Variants in CCNY observed in about 807,000 individuals in gnomAD.
CCNY encodes cyclin Y.
In CCNY, 19 loss-of-function variants were observed where a neutral mutation model predicts 42.8. The observed-to-expected ratio is 0.44, with a 90% CI of 0.31 to 0.65. The LOEUF (loss-of-function observed/expected upper bound fraction) is 0.65. CCNY is among the 30% of genes least tolerant of loss of function. The probability of loss-of-function intolerance (pLI) is 0.07; values close to 1 mark genes in which losing one functional copy is unlikely to be tolerated. For missense variants in CCNY, 370 were observed against 437.3 expected (o/e 0.85, Z 1.37); for synonymous variants, 165 against 162.7 (o/e 1.01, Z -0.11).
Position 35,303,756 on chromosome 10 carries a change from G to A in CCNY, c.-9+53130G>A, listed in dbSNP as rs547952335. ...CGTACCATTGCACTCCAGCCTGGGC[G>A]ACAACAGCGAAACTCCGTCTCAAAA... On this transcript the variant is annotated intron_variant, in intron 3 of 11. Transcript: ENST00000374706. Among the ~76,000 whole-genome samples the A allele has an allele frequency of 7.6e-3, 861 of 114,016 alleles. 8 individuals are homozygous for A. The highest frequency in any genetic ancestry group is 0.028 in the African/African-American group (812 of 28,886). The allele number at this position is 114,016 out of a possible 152,430, so 74.8% of individuals were successfully genotyped here.
intron 3 of CCNY, among the ~76,000 whole-genome samples, chr10:35,506,912 G>A (rs1840226703): frequency 6.6e-6 from 1 of 152,198 alleles, no homozygotes; most frequent in Admixed American, 6.5e-5. Context: ...CTCTGACACT[G>A]CTACATGTGG....
Position 35,530,187 on chromosome 10 carries a change from G to T in CCNY, c.523G>T (p.Val175Phe), listed in dbSNP as rs766039873. 4 of 1,614,210 alleles carry T rather than the reference G, an allele frequency of 2.5e-6. No individual in the cohort carries two copies. In the East Asian group the frequency reaches 6.7e-5, roughly 27 times the overall value. Residue 175 changes from valine (V) to phenylalanine (F), a missense_variant, in exon 7 of 10, where the codon GTT (valine) becomes TTT (phenylalanine). Physicochemically the swap from Val to Phe is conservative, Grantham distance 50. Transcript: ENST00000374704. This position sits in a 1 kb window ranked among gnomAD's most constrained non-coding sequence, Gnocchi z 4.3. ...NPEQKQIYRF[V>F]RTLFSAAQLT... The stretch of plus-strand genomic sequence containing the variant: ...AGAGCAGAAGCAGATTTACCGGTTC[G>T]TTCGGACACTGTTCAGTGCTGCTCA...
intron 1 of CCNY, among the ~76,000 whole-genome samples, chr10:35,360,061 G>T (rs1033853501): frequency 2.0e-5 from 3 of 152,224 alleles, no homozygotes; most frequent in East Asian, 3.9e-4. Flanking sequence ...CGATAATGCC[G>T]CTAGGCACAC....
At chr10:35,418,015 T>A (rs1275865190) in intron 1 of CCNY, among the ~76,000 whole-genome samples, 1 of 152,232 alleles carries the variant, frequency 6.6e-6, no homozygotes, top group Non-Finnish European at 1.5e-5. Flanking sequence ...GGAATATGTC[T>A]CCTTTAGGAA....
At chr10:35,250,138 G>A (rs2135019539) in intron 2 of CCNY, among the ~76,000 whole-genome samples, 1 of 149,756 alleles carries the variant, frequency 6.7e-6, no homozygotes, top group South Asian at 2.1e-4. Context: ...AGCTTGCAGT[G>A]AGCTAAGATC....
At position 35,312,176 on chromosome 10, in the gene CCNY, G is replaced by C. The variant is rs147916745; in HGVS notation, c.-9+61550G>C. On this transcript the variant is annotated intron_variant, in intron 3 of 11. Coordinates refer to the CCNY transcript ENST00000374706. ...GCGGATCACGAGGTCAGGAGATCAA[G>C]ACCGTCCTAGCTAACACGGTGAAAC... Among the ~76,000 whole-genome samples, 639 of 152,060 alleles carry C rather than the reference G, an allele frequency of 4.2e-3. 2 individuals carry two copies. The highest frequency in any genetic ancestry group is 0.014 in the African/African-American group (589 of 41,468).
chr10:35,542,181 G>GT (rs1564452198), intron 7 of CCNY, among the ~76,000 whole-genome samples: 1 of 149,246 alleles, frequency 6.7e-6, no homozygotes, highest in Admixed American at 6.7e-5. Flanking sequence ...GGCTTTCCTT[G>GT]TTTTTGATGA....
At position 35,547,694 on chromosome 10, in the gene CCNY, C is replaced by T. The variant is rs184895473; in HGVS notation, c.580-5325C>T. 2.2e-3 allele frequency among the ~76,000 whole-genome samples: 328 copies of T among 152,270 alleles called. 2 individuals carry two copies. Among genetic ancestry groups the T allele is most frequent in the African/African-American group, 7.4e-3 (307 of 41,556 alleles). On this transcript the variant is annotated intron_variant, in intron 7 of 9. Coordinates refer to ENST00000374704, the MANE Select transcript of CCNY (RefSeq NM_145012.6). ...TTTCATAGCTCTTTCAAGAGCCTGCCGGAGCCCTGTGTGGATGCGGTCCCT... is the reference window on the plus strand; with the variant it reads ...TTTCATAGCTCTTTCAAGAGCCTGCTGGAGCCCTGTGTGGATGCGGTCCCT...
chr10:35,567,499 A>G (rs1302527442), intron 9 of CCNY, among the ~76,000 whole-genome samples: 2 of 152,138 alleles, frequency 1.3e-5, no homozygotes, highest in Admixed American at 6.5e-5. Context: ...CCTTGGTCTC[A>G]TCCCATAGAG....
Position 35,397,984 on chromosome 10 carries a change from G to A in CCNY, c.154+60777G>A, listed in dbSNP as rs554608430. On this transcript the variant is annotated intron_variant, in intron 1 of 9. Coordinates refer to ENST00000374704, the MANE Select transcript of CCNY (RefSeq NM_145012.6). ...GCTTCCAGGGCCGAGGGAAGGGGAG[G>A]CACAGTGAGACCAGACTCTGTTCTC... is the stretch of plus-strand genomic sequence containing the variant. Among the ~76,000 whole-genome samples, 6 of 152,278 alleles carry A rather than the reference G, an allele frequency of 3.9e-5. No homozygotes were observed. In the East Asian group the frequency reaches 1.2e-3, roughly 29 times the overall value.
chr10:35,526,037 A>C (rs747931898), intron 5 of CCNY, 38 bp downstream of exon 5: 1 of 1,559,898 alleles, frequency 6.4e-7, no homozygotes, highest in East Asian at 2.3e-5. Context: ...ATCATACGTT[A>C]TCTTCTGTTA....
chr10:35,514,697 G>C (rs1840393575), intron 3 of CCNY, among the ~76,000 whole-genome samples: 1 of 152,140 alleles, frequency 6.6e-6, no homozygotes, highest in Non-Finnish European at 1.5e-5. Context: ...TGCATCAGAG[G>C]AAACAATTGA....
At chr10:35,279,753 C>G (rs1272087479) in intron 3 of CCNY, among the ~76,000 whole-genome samples, 1 of 152,182 alleles carries the variant, frequency 6.6e-6, no homozygotes, top group Non-Finnish European at 1.5e-5. Context: ...CATGCACTGA[C>G]TGTGCATCAA....
At chr10:35,403,231 A>G (rs1837682410) in intron 1 of CCNY, among the ~76,000 whole-genome samples, 1 of 152,166 alleles carries the variant, frequency 6.6e-6, no homozygotes, top group Non-Finnish European at 1.5e-5. Context: ...ACGGAAAGGA[A>G]ATGAGAGGTT....
intron 1 of CCNY, among the ~76,000 whole-genome samples, chr10:35,348,184 A>G (rs1296805277): frequency 6.6e-6 from 1 of 152,268 alleles, no homozygotes. Context: ...TCTGAAAGCC[A>G]AAGCTGATGT....
At chr10:35,506,130 G>A (rs956300194) in intron 3 of CCNY, among the ~76,000 whole-genome samples, 1 of 152,192 alleles carries the variant, frequency 6.6e-6, no homozygotes, top group Non-Finnish European at 1.5e-5. Context: ...TGCTGTGTTA[G>A]CATCAATGCC....
At chr10:35,426,785 G>A (rs1838283600) in intron 1 of CCNY, among the ~76,000 whole-genome samples, 1 of 152,216 alleles carries the variant, frequency 6.6e-6, no homozygotes, top group Non-Finnish European at 1.5e-5. Context: ...CACTGTTGCA[G>A]TATTCTGAAT....
chr10:35,542,257 G>C (rs906005343), intron 7 of CCNY, among the ~76,000 whole-genome samples: 1 of 151,116 alleles, frequency 6.6e-6, no homozygotes, highest in Non-Finnish European at 1.5e-5. Context: ...GGATTTGTCT[G>C]ACGTTTTTGT....
intron 1 of CCNY, among the ~76,000 whole-genome samples, chr10:35,407,568 A>G (rs1837807509): frequency 6.6e-6 from 1 of 152,158 alleles, no homozygotes; most frequent in African/African-American, 2.4e-5. Context: ...AAAAATCGAA[A>G]GTGCCGTTTT....
Sources: gnomAD v4.1 joint callset for allele counts (sites outside exome capture counted in the v4.1 genomes callset) on GRCh38, gnomAD v4.1.1 for gene constraint, Gnocchi (gnomAD v3.1) non-coding constraint, MANE v1.5 for transcripts, NCBI Gene and HGNC (gene_info 2026-07-23, HGNC 2026-07-21) for gene names.